The following ESRRG variants were observed in gnomAD, a reference collection of about 807,000 sequenced individuals.
The protein encoded by ESRRG is estrogen related receptor gamma.
A neutral mutation model predicts 44.0 loss-of-function variants in ESRRG; 13 were observed. The observed-to-expected ratio is 0.30, with a 90% CI of 0.19 to 0.47. ESRRG has a LOEUF of 0.47. Among genes scored for constraint, ESRRG ranks in the 20% least tolerant of loss-of-function variants. The pLI is 1.00. For synonymous variants in ESRRG, 215 were observed against 214.6 expected (o/e 1.00, Z -0.02); for missense variants, 395 against 580.6 (o/e 0.68, Z 3.29).
intron 2 of ESRRG, among the ~76,000 whole-genome samples, chr1:216,935,122 A>C (rs1251944914): frequency 6.6e-6 from 1 of 152,200 alleles, no homozygotes; most frequent in Non-Finnish European, 1.5e-5. Context: ...TTCTGTGTTC[A>C]GACGTGTGGG....
At chr1:216,607,857 C>T (rs1482235814) in intron 3 of ESRRG, among the ~76,000 whole-genome samples, 1 of 152,086 alleles carries the variant, frequency 6.6e-6, no homozygotes, top group Non-Finnish European at 1.5e-5. Flanking sequence ...AATGAAAACA[C>T]TGAAAGCACA....
intron 2 of ESRRG, among the ~76,000 whole-genome samples, chr1:216,925,707 T>C (rs1354314622): frequency 4.6e-5 from 7 of 151,524 alleles, no homozygotes; most frequent in East Asian, 2.0e-4. Context: ...TTCCAGCACT[T>C]TGGGAGGCCG....
At chr1:216,972,288 C>T (rs1447439839) in intron 1 of ESRRG, among the ~76,000 whole-genome samples, 1 of 152,128 alleles carries the variant, frequency 6.6e-6, no homozygotes, top group African/African-American at 2.4e-5. Flanking sequence ...TAGTTGTTGG[C>T]TTGGCTAATT....
At chr1:216,834,073 A>G (rs910836572) in intron 2 of ESRRG, among the ~76,000 whole-genome samples, 10 of 152,152 alleles carry the variant, frequency 6.6e-5, no homozygotes, top group African/African-American at 2.4e-4. Context: ...ACATTTTGCA[A>G]GCTATAAAGT....
chr1:216,861,272 T>G (rs1272953142), intron 2 of ESRRG, among the ~76,000 whole-genome samples: 1 of 152,056 alleles, frequency 6.6e-6, no homozygotes, highest in Non-Finnish European at 1.5e-5. Context: ...TAAAAGTGGT[T>G]TAAATATTCT....
Position 216,842,195 on chromosome 1 carries a change from C to T in ESRRG, c.-14+97387G>A, listed in dbSNP as rs77496260. 6.1e-3 allele frequency among the ~76,000 whole-genome samples: 935 copies of T among 152,240 alleles called. 13 individuals are homozygous for T. Among genetic ancestry groups the T allele is most frequent in the African/African-American group, 0.022 (894 of 41,534 alleles). The stretch of plus-strand genomic sequence containing the variant: ...GGAAATCTTTGCTATTAAACCTATT[C>T]GCTATGCCTAGTTCTATATGAAGTT... On this transcript the variant is annotated intron_variant, in intron 2 of 7. Transcript: ENST00000359162.
chr1:217,135,634 T>C (rs951957222), intron 1 of ESRRG, among the ~76,000 whole-genome samples: 5 of 152,120 alleles, frequency 3.3e-5, no homozygotes. Context: ...CGGACCCACA[T>C]TCACCGACTG....
At chr1:217,071,467 G>C (rs188983296) in intron 1 of ESRRG, among the ~76,000 whole-genome samples, 3 of 152,292 alleles carry the variant, frequency 2.0e-5, no homozygotes, top group Admixed American at 1.3e-4. Context: ...TATCTGATAA[G>C]AGTAATGAGA....
intron 2 of ESRRG, among the ~76,000 whole-genome samples, chr1:216,918,234 G>T (rs1042811412): frequency 1.3e-5 from 2 of 152,004 alleles, no homozygotes; most frequent in African/African-American, 4.8e-5. Flanking sequence ...GACTTTTAAG[G>T]TTATTTTAAG....
At chr1:216,823,047 C>A (rs186260829) in intron 2 of ESRRG, among the ~76,000 whole-genome samples, 1 of 151,818 alleles carries the variant, frequency 6.6e-6, no homozygotes, top group East Asian at 1.9e-4. Flanking sequence ...GCTTAGCCTT[C>A]CAGCTCTCCT....
intron 2 of ESRRG, among the ~76,000 whole-genome samples, chr1:216,805,599 T>C (rs2094764679): frequency 6.6e-6 from 1 of 152,132 alleles, no homozygotes; most frequent in African/African-American, 2.4e-5. Flanking sequence ...TTTGGTCAAA[T>C]TGGTGGTCTT....
chr1:216,658,312 T>C (rs2071172359), intron 2 of ESRRG, among the ~76,000 whole-genome samples: 1 of 152,182 alleles, frequency 6.6e-6, no homozygotes, highest in Admixed American at 6.6e-5. Flanking sequence ...AAAAACTACA[T>C]CTTCCCTCAG....
chr1:216,841,188 AT>A (rs144922509), intron 2 of ESRRG, among the ~76,000 whole-genome samples: 15 of 150,772 alleles, frequency 9.9e-5, no homozygotes, highest in Admixed American at 2.0e-4. Flanking sequence ...TTAAAATAGA[AT>A]TTTTTTTTTC....
At chr1:217,104,676 G>A (rs1409481437) in intron 1 of ESRRG, among the ~76,000 whole-genome samples, 1 of 152,146 alleles carries the variant, frequency 6.6e-6, no homozygotes, top group Non-Finnish European at 1.5e-5. Context: ...AATGTAGGTA[G>A]GAAAGGGTCT....
chr1:216,775,788 C>T (rs1457485086), intron 2 of ESRRG, among the ~76,000 whole-genome samples: 2 of 151,672 alleles, frequency 1.3e-5, no homozygotes, highest in Non-Finnish European at 2.9e-5. Context: ...TGGTCTTGAA[C>T]TCCTGGGCTC....
chr1:216,715,495 C>A (rs1272143477), intron 1 of ESRRG, among the ~76,000 whole-genome samples: 1 of 151,996 alleles, frequency 6.6e-6, no homozygotes, highest in Non-Finnish European at 1.5e-5. Flanking sequence ...AAAATGAATA[C>A]AATTTAACAT....
chr1:216,738,690 G>GC (rs1339375204), intron 2 of ESRRG, among the ~76,000 whole-genome samples: 1 of 152,088 alleles, frequency 6.6e-6, no homozygotes, highest in Non-Finnish European at 1.5e-5. Context: ...TAAAATAAAT[G>GC]CCAGAGCTGA....
At chr1:216,676,449 A>G (rs186472893) in intron 2 of ESRRG, among the ~76,000 whole-genome samples, 3 of 152,254 alleles carry the variant, frequency 2.0e-5, no homozygotes, top group Non-Finnish European at 1.5e-5. Flanking sequence ...AGTATATCCA[A>G]CCATAAGGAA....
At chr1:216,513,741 C>G (rs1347384125) in intron 6 of ESRRG, among the ~76,000 whole-genome samples, 3 of 152,060 alleles carry the variant, frequency 2.0e-5, no homozygotes, top group African/African-American at 7.2e-5. Context: ...TTCTATTTTT[C>G]TATAATTACT....
Sources: allele counts gnomAD v4.1 joint callset (sites outside exome capture counted in the v4.1 genomes callset), GRCh38; gene constraint gnomAD v4.1.1; transcripts MANE v1.5; gene names NCBI Gene and HGNC (gene_info 2026-07-23, HGNC 2026-07-21).